Variants in PXDNL observed in about 807,000 individuals in gnomAD.
PXDNL encodes the protein probable oxidoreductase PXDNL.
A neutral mutation model predicts 150.8 loss-of-function variants in PXDNL; 145 were observed. The observed-to-expected ratio is 0.96, with a 90% CI of 0.84 to 1.10. The LOEUF is 1.10. Ranked by LOEUF, PXDNL falls within the 50% of genes least tolerant of loss-of-function variation. The pLI is 0.00. For synonymous variants in PXDNL, 757 were observed against 725.7 expected (o/e 1.04, Z -0.69); for missense variants, 2,087 against 1,873.9 (o/e 1.11, Z -2.10).
intron 16 of PXDNL, among the ~76,000 whole-genome samples, chr8:51,409,928 A>C (rs1322165617): frequency 1.3e-5 from 2 of 152,196 alleles, no homozygotes; most frequent in African/African-American, 4.8e-5. Context: ...TGCTAGAAGA[A>C]GCAAAATGGA....
intron 1 of PXDNL, among the ~76,000 whole-genome samples, chr8:51,689,021 A>G (rs551931462): frequency 6.6e-6 from 1 of 152,234 alleles, no homozygotes; most frequent in East Asian, 1.9e-4. Flanking sequence ...CGCCATTAGG[A>G]ATCGGGAATC....
intron 6 of PXDNL, among the ~76,000 whole-genome samples, chr8:51,482,520 G>A (rs1247807060): frequency 6.6e-6 from 1 of 152,072 alleles, no homozygotes; most frequent in Non-Finnish European, 1.5e-5. Context: ...CAAATGTGAG[G>A]ATATGAGATT....
intron 4 of PXDNL, among the ~76,000 whole-genome samples, chr8:51,511,215 C>T (rs1419210996): frequency 1.3e-5 from 2 of 152,122 alleles, no homozygotes; most frequent in African/African-American, 2.4e-5. Flanking sequence ...ATACTTCATG[C>T]CAGGGCAGTG....
chr8:51,536,868 A>C (rs1052559836), intron 4 of PXDNL, among the ~76,000 whole-genome samples: 1 of 152,204 alleles, frequency 6.6e-6, no homozygotes, highest in Non-Finnish European at 1.5e-5. Flanking sequence ...AAAGTAAGTT[A>C]AGAAGATGAC....
intron 1 of PXDNL, among the ~76,000 whole-genome samples, chr8:51,659,666 T>C (rs1563498617): frequency 6.6e-6 from 1 of 152,056 alleles, no homozygotes; most frequent in Non-Finnish European, 1.5e-5. Context: ...GTGGGTTACA[T>C]GGAGTTACAC....
intron 21 of PXDNL, among the ~76,000 whole-genome samples, chr8:51,331,866 G>A (rs1218489106): frequency 1.3e-5 from 2 of 152,030 alleles, no homozygotes; most frequent in East Asian, 1.9e-4. Flanking sequence ...GCTCACACAC[G>A]CCTAGCCCGG....
rs561848713 is a variant in PXDNL at position 51,808,436 on chromosome 8, C to T, written c.164+745G>A. Among the ~76,000 whole-genome samples the T allele has an allele frequency of 1.2e-4, 18 of 152,120 alleles. No homozygotes were observed. The East Asian group carries it at 3.1e-3, about 26-fold the overall frequency. On this transcript the variant is annotated intron_variant, in intron 1 of 22. Transcript: ENST00000356297. ...CCTTTTCTTCTTTTGTGGTGATTTGCCCTTCTAATTATCTAATTATGACTT... is the reference window on the plus strand; with the variant it reads ...CCTTTTCTTCTTTTGTGGTGATTTGTCCTTCTAATTATCTAATTATGACTT...
At chr8:51,396,627 C>A (rs1173163500) in intron 17 of PXDNL, among the ~76,000 whole-genome samples, 4 of 152,142 alleles carry the variant, frequency 2.6e-5, no homozygotes. Context: ...CATAGTGGTG[C>A]ATGCCTGTAA....
chr8:51,805,314 C>A (rs1563326422), intron 1 of PXDNL, among the ~76,000 whole-genome samples: 1 of 148,922 alleles, frequency 6.7e-6, no homozygotes, highest in East Asian at 1.9e-4. Flanking sequence ...TTTATATATA[C>A]ATATATATAT....
chr8:51,808,981 T>C (rs932789002), intron 1 of PXDNL, among the ~76,000 whole-genome samples, 200 bp downstream of exon 1: 1 of 152,146 alleles, frequency 6.6e-6, no homozygotes. Flanking sequence ...AAAACAAATA[T>C]ATTTATGTCA....
chr8:51,319,746 A>T lies in PXDNL; in HGVS notation c.*145T>A. On this transcript the variant is annotated 3_prime_UTR_variant, in exon 23 of 23. Transcript: ENST00000356297. ...AGAAAATGAAAAAATAAAAGATCGT[A>T]AGTATATGTAAGATTAGATGAACTA... 1.9e-6 allele frequency: 1 copy of T among 539,470 alleles called. No individual in the cohort carries two copies. Among genetic ancestry groups the T allele is most frequent in the Non-Finnish European group, 2.9e-6 (1 of 344,418 alleles). 33.4% of individuals were successfully genotyped at this position (539,470 alleles called of 1,614,324 possible). A position where few individuals can be genotyped will look rare whatever the true frequency, so the allele number is the denominator to read the frequency against.
chr8:51,761,536 A>T (rs2037166502), intron 1 of PXDNL, among the ~76,000 whole-genome samples: 2 of 152,254 alleles, frequency 1.3e-5, no homozygotes, highest in South Asian at 2.1e-4. Flanking sequence ...ATGCATATAC[A>T]AACATGTATA....
Position 51,447,000 on chromosome 8 carries a change from T to C in PXDNL, c.1525+4A>G. ...ATGTGAATATGAATCACAGTATATA[T>C]TACCTTTGGGTTTTACAGTCAGCTG... On this transcript the variant is annotated splice_donor_region_variant and intron_variant, in intron 12 of 22. Coordinates refer to ENST00000356297, the MANE Select transcript of PXDNL (RefSeq NM_144651.5). 1.9e-6 allele frequency: 3 copies of C among 1,613,772 alleles called. No homozygotes were observed. The highest frequency in any genetic ancestry group is 2.5e-6 in the Non-Finnish European group (3 of 1,179,786).
intron 1 of PXDNL, among the ~76,000 whole-genome samples, chr8:51,735,502 A>T (rs1304248898): frequency 6.7e-6 from 1 of 150,180 alleles, no homozygotes; most frequent in South Asian, 2.1e-4. Flanking sequence ...TAAATAAATA[A>T]AATTAATTAA....
At chr8:51,801,266 A>T (rs2037616930) in intron 1 of PXDNL, among the ~76,000 whole-genome samples, 1 of 152,118 alleles carries the variant, frequency 6.6e-6, no homozygotes, top group Non-Finnish European at 1.5e-5. Context: ...TGGGGAAAAG[A>T]TCCCGCCCTG....
At chr8:51,691,269 C>T (rs1462137715) in intron 1 of PXDNL, among the ~76,000 whole-genome samples, 1 of 152,120 alleles carries the variant, frequency 6.6e-6, no homozygotes, top group Non-Finnish European at 1.5e-5. Flanking sequence ...AATGGTAATG[C>T]CTAGGTTTTG....
chr8:51,661,142 T>C (rs1203667709), intron 1 of PXDNL, among the ~76,000 whole-genome samples: 1 of 152,198 alleles, frequency 6.6e-6, no homozygotes, highest in African/African-American at 2.4e-5. Flanking sequence ...TTTCCAGGCT[T>C]GAGACAAGCA....
At chr8:51,617,788 G>A (rs1814161506) in intron 2 of PXDNL, among the ~76,000 whole-genome samples, 1 of 152,222 alleles carries the variant, frequency 6.6e-6, no homozygotes, top group Non-Finnish European at 1.5e-5. Flanking sequence ...ATTGGTTTAA[G>A]AGATGCCCAG....
intron 1 of PXDNL, among the ~76,000 whole-genome samples, chr8:51,742,212 G>A (rs1043496003): frequency 6.6e-6 from 1 of 152,170 alleles, no homozygotes; most frequent in African/African-American, 2.4e-5. Flanking sequence ...GACAAGAAGA[G>A]ATTAGTGGTT....
Sources: gnomAD v4.1 joint callset for allele counts (sites outside exome capture counted in the v4.1 genomes callset) on GRCh38, gnomAD v4.1.1 for gene constraint, MANE v1.5 for transcripts, NCBI Gene and HGNC (gene_info 2026-07-23, HGNC 2026-07-21) for gene names.